Variants in FAM133A observed in about 807,000 individuals in gnomAD.
FAM133A encodes the protein protein FAM133A.
For synonymous variants in FAM133A, 65 were observed against 58.6 expected (o/e 1.11, Z -0.50); for missense variants, 159 against 164.4 (o/e 0.97, Z 0.18).
chrX:93,697,191 A>ATATATATATAAT (rs1368744391), intron 2 of FAM133A, among the ~76,000 whole-genome samples: 1 of 40,803 alleles, frequency 2.5e-5, no homozygotes, highest in Non-Finnish European at 6.1e-5. Context: ...ATATATATAT[A>ATATATATATAAT]ATATATCATA....
chrX:93,702,210 T>G (rs1407568806), intron 3 of FAM133A, among the ~76,000 whole-genome samples: 1 of 111,523 alleles, frequency 9.0e-6, no homozygotes, highest in East Asian at 2.8e-4. Flanking sequence ...GGTCTTGTTT[T>G]CTATTATCGT....
At chrX:93,674,657 A>G (rs748025719) in intron 1 of FAM133A, 24 bp from the exon 2 acceptor site, 2 of 111,896 alleles carry the variant, frequency 1.8e-5, no homozygotes, top group Admixed American at 9.5e-5. Flanking sequence ...TTTAAAAACG[A>G]GTATTTGTTA....
At position 93,710,481 on chromosome X, in the gene FAM133A, A is replaced by G. The variant is rs1195886313; in HGVS notation, c.*315A>G. The G allele has an allele frequency of 1.5e-5, 3 of 200,592 alleles. No homozygotes were observed. The highest frequency in any genetic ancestry group is 2.9e-4 in the South Asian group (1 of 3,419). The allele number at this position is 200,592 out of a possible 1,213,427, so 16.5% of individuals were successfully genotyped here. On this transcript the variant is annotated 3_prime_UTR_variant, in exon 4 of 4. Coordinates refer to ENST00000683942, the MANE Select transcript of FAM133A (RefSeq NM_001171109.2). The stretch of plus-strand genomic sequence containing the variant: ...TATCTAATTCGAATACATCTTTGAA[A>G]TATCACCATCAATGAAACATAAATG...
In FAM133A at chrX:93,710,053, T is replaced by C. The variant is rs1317618591; in HGVS notation, c.634T>C (p.Cys212Arg). 2 of 1,200,430 alleles carry C rather than the reference T, an allele frequency of 1.7e-6. No homozygotes were observed. Among genetic ancestry groups the C allele is most frequent in the Admixed American group, 2.2e-5 (1 of 45,273 alleles). Residue 212 changes from cysteine (C) to arginine (R), a missense_variant, in exon 4 of 4, where the codon TGT becomes CGT. By Grantham distance (180) the Cys-to-Arg change is radical. Coordinates refer to ENST00000683942, the MANE Select transcript of FAM133A (RefSeq NM_001171109.2). ...TGTGCAAGCAAAAAAGAAGAGAAGG[T>C]GTGAAGAGCGAGAACAAGCAAAGGA... is the stretch of plus-strand genomic sequence containing the variant. ...EDVQAKKKRR[C>R]EEREQAKEKV...
At chrX:93,696,277 A>G (rs1926263245) in intron 2 of FAM133A, among the ~76,000 whole-genome samples, 2 of 111,446 alleles carry the variant, frequency 1.8e-5, no homozygotes, top group Admixed American at 9.6e-5. Context: ...GAGGTGAAGA[A>G]CAGAAAATAA....
intron 2 of FAM133A, among the ~76,000 whole-genome samples, chrX:93,682,825 A>T (rs1303894746): frequency 9.0e-6 from 1 of 111,133 alleles, no homozygotes; most frequent in East Asian, 2.8e-4. Flanking sequence ...CATGTTGGTC[A>T]GTTGGCCTCG....
intron 3 of FAM133A, among the ~76,000 whole-genome samples, chrX:93,703,773 C>G (rs1926873039): frequency 8.9e-6 from 1 of 112,273 alleles, no homozygotes; most frequent in South Asian, 3.6e-4. Context: ...TTATCACTTG[C>G]ATCTACAATA....
In FAM133A at chrX:93,674,758, G is replaced by A. The variant is rs1356747667; in HGVS notation, c.-193+6G>A. The A allele has an allele frequency of 9.0e-6, 1 of 111,389 alleles. No homozygotes were observed. The highest frequency in any genetic ancestry group is 3.3e-5 in the African/African-American group (1 of 30,635). 9.2% of individuals were successfully genotyped at this position (111,389 alleles called of 1,213,427 possible). On this transcript the variant is annotated splice_donor_region_variant and intron_variant, in intron 2 of 3. Coordinates refer to ENST00000683942, the MANE Select transcript of FAM133A (RefSeq NM_001171109.2). ...TATTTACTTTTCATTGAAAGGTAAG[G>A]ATCATATTTAGCACATTTTAAAGAA...
chrX:93,696,818 G>T (rs1926313945), intron 2 of FAM133A, among the ~76,000 whole-genome samples: 2 of 109,952 alleles, frequency 1.8e-5, no homozygotes, highest in African/African-American at 6.7e-5. Context: ...TACTCGGGAG[G>T]CTGAGTCAGG....
At chrX:93,701,439 T>C (rs1483746259) in intron 3 of FAM133A, among the ~76,000 whole-genome samples, 1 of 111,388 alleles carries the variant, frequency 9.0e-6, no homozygotes, top group African/African-American at 3.3e-5. Flanking sequence ...CCTTATTTGT[T>C]TGGGGTGTAT....
Position 93,710,705 on chromosome X carries a change from G to C in FAM133A, c.*539G>C, listed in dbSNP as rs965735471. The C allele has an allele frequency of 3.3e-5, 4 of 122,649 alleles. No individual in the cohort carries two copies. Among genetic ancestry groups the C allele is most frequent in the African/African-American group, 1.3e-4 (4 of 30,548 alleles). The allele number at this position is 122,649 out of a possible 1,213,427, so 10.1% of individuals were successfully genotyped here. ...GTGGCTAGCTGAATAGTGTGCCTTT[G>C]ACTCTTACACATCCTATTTTTGCCA... On this transcript the variant is annotated 3_prime_UTR_variant, in exon 4 of 4. Transcript: ENST00000683942.
intron 2 of FAM133A, among the ~76,000 whole-genome samples, chrX:93,678,628 A>G (rs958010727): frequency 8.9e-6 from 1 of 111,952 alleles, no homozygotes; most frequent in Non-Finnish European, 1.9e-5. Context: ...TAGGTCTGAT[A>G]CATTTTTGCA....
At chrX:93,709,195 G>A (rs1445214802) in intron 3 of FAM133A, 122 bp from the exon 4 acceptor site, 2 of 314,358 alleles carry the variant, frequency 6.4e-6, no homozygotes, top group Non-Finnish European at 1.0e-5. Flanking sequence ...TGTTCCCATG[G>A]TATAAGATTT....
At chrX:93,688,445 G>A (rs1467310648) in intron 2 of FAM133A, among the ~76,000 whole-genome samples, 2 of 110,272 alleles carry the variant, frequency 1.8e-5, no homozygotes, top group African/African-American at 6.6e-5. Flanking sequence ...TTTTTGAATG[G>A]TAGTCTTGTA....
Position 93,711,339 on chromosome X carries a change from T to C in FAM133A, c.*1173T>C, listed in dbSNP as rs1927433963. On this transcript the variant is annotated 3_prime_UTR_variant, in exon 4 of 4. Transcript: ENST00000683942. ...AAGATTGTTGTCTTAAGCATTAATA[T>C]TGAATTTATATAGAAGTTAAATGTA... 1 of 122,811 alleles carries C rather than the reference T, an allele frequency of 8.1e-6. No homozygotes were observed. Among genetic ancestry groups the C allele is most frequent in the East Asian group, 2.8e-4 (1 of 3,568 alleles). The allele number at this position is 122,811 out of a possible 1,213,427, so 10.1% of individuals were successfully genotyped here. A position where few individuals can be genotyped will look rare whatever the true frequency, so the allele number is the denominator to read the frequency against.
intron 2 of FAM133A, among the ~76,000 whole-genome samples, chrX:93,694,552 C>T (rs946937621): frequency 2.9e-4 from 32 of 111,106 alleles, no homozygotes; most frequent in African/African-American, 1.0e-3. Flanking sequence ...ACAAATAGAC[C>T]GTGATTATAA....
At chrX:93,704,243 G>A (rs1473920548) in intron 3 of FAM133A, among the ~76,000 whole-genome samples, 1 of 111,536 alleles carries the variant, frequency 9.0e-6, no homozygotes, top group African/African-American at 3.3e-5. Flanking sequence ...ATCATCCAAT[G>A]TGAAATGGCC....
At chrX:93,679,245 A>G (rs943314044) in intron 2 of FAM133A, among the ~76,000 whole-genome samples, 2 of 111,073 alleles carry the variant, frequency 1.8e-5, no homozygotes, top group Non-Finnish European at 3.8e-5. Context: ...TAGTAATAAA[A>G]CATTGGTTGT....
chrX:93,698,680 G>A (rs1926480393), intron 3 of FAM133A, among the ~76,000 whole-genome samples, 195 bp downstream of exon 3: 1 of 111,976 alleles, frequency 8.9e-6, no homozygotes, highest in Non-Finnish European at 1.9e-5. Context: ...TGAGAGGAAA[G>A]GAGTTGAAAA....
Sources: allele counts gnomAD v4.1 joint callset (sites outside exome capture counted in the v4.1 genomes callset), GRCh38; gene constraint gnomAD v4.1.1; transcripts MANE v1.5; gene names NCBI Gene and HGNC (gene_info 2026-07-23, HGNC 2026-07-21).